Variants in CMBL observed in about 807,000 individuals in gnomAD.
The protein encoded by CMBL is carboxymethylenebutenolidase homolog.
CMBL carries 17 observed loss-of-function variants against 28.7 expected under a neutral mutation model. That is an observed-to-expected ratio of 0.59 (90% confidence interval 0.41 to 0.89). CMBL has a LOEUF of 0.89. Ranked by LOEUF, CMBL falls within the 40% of genes least tolerant of loss-of-function variation. The probability of loss-of-function intolerance (pLI) is 0.00; values close to 1 mark genes in which losing one functional copy is unlikely to be tolerated. For synonymous variants in CMBL, 106 were observed against 101.6 expected (o/e 1.04, Z -0.26); for missense variants, 310 against 298.5 (o/e 1.04, Z -0.28).
rs1746419385 is a variant in CMBL, at chr5:10,277,695, G to A, written c.*2758C>T. ...TTTTTCCCTTTACCTTCATTTATCT[G>A]TTTGTCTAATAGTCACTGAAGAACA... On this transcript the variant is annotated 3_prime_UTR_variant, in exon 6 of 6. Coordinates refer to ENST00000296658, the MANE Select transcript of CMBL (RefSeq NM_138809.4). Among the ~76,000 whole-genome samples, 1 of 151,940 alleles carries A rather than the reference G, an allele frequency of 6.6e-6. No individual in the cohort carries two copies. Among genetic ancestry groups the A allele is most frequent in the African/African-American group, 2.4e-5 (1 of 41,354 alleles).
chr5:10,291,131 G>A (rs1030228529), intron 1 of CMBL, among the ~76,000 whole-genome samples: 4 of 152,152 alleles, frequency 2.6e-5, no homozygotes, highest in African/African-American at 4.8e-5. Flanking sequence ...GACAGGACCC[G>A]ACTCAGGAGC....
At chr5:10,286,961 T>C (rs1403322370) in intron 3 of CMBL, among the ~76,000 whole-genome samples, 1 of 152,202 alleles carries the variant, frequency 6.6e-6, no homozygotes, top group African/African-American at 2.4e-5. Flanking sequence ...CCAGACACTC[T>C]CTGACTTCAC....
In CMBL at chr5:10,286,457, A is replaced by G. The variant is rs1746606142; in HGVS notation, c.363T>C (p.Cys121=). The G allele has an allele frequency of 6.2e-7, 1 of 1,614,040 alleles. No homozygotes were observed. The highest frequency in any genetic ancestry group is 1.3e-5 in the African/African-American group (1 of 74,938). The stretch of plus-strand genomic sequence containing the variant: ...CCACGATGCCAATTTTCTGGGCATG[A>G]CACTGTTGTTTCAGATACTTCAAGA... The part of the protein sequence containing the change: ...SAILKYLKQQ[C]HAQKIGIVGF... The change falls in exon 4 of 6, where the codon TGT becomes TGC. Residue 121 remains cysteine (C), a synonymous_variant. Coordinates refer to ENST00000296658, the MANE Select transcript of CMBL (RefSeq NM_138809.4).
At chr5:10,303,601 A>G (rs1407340360) in intron 1 of CMBL, among the ~76,000 whole-genome samples, 1 of 152,198 alleles carries the variant, frequency 6.6e-6, no homozygotes, top group Non-Finnish European at 1.5e-5. Context: ...TGGAAAGTGT[A>G]AACTAAAAAC....
At chr5:10,299,764 T>C (rs953509040) in intron 1 of CMBL, among the ~76,000 whole-genome samples, 1 of 151,510 alleles carries the variant, frequency 6.6e-6, no homozygotes. Context: ...GGTGGAAGGA[T>C]TGCTTGAGCC....
At chr5:10,290,863 T>A in intron 1 of CMBL, 82 bp from the exon 2 acceptor site, 1 of 1,078,784 alleles carries the variant, frequency 9.3e-7, no homozygotes, top group African/African-American at 1.6e-5. Context: ...CAAATCAAGA[T>A]TATAGAAAAA....
At chr5:10,299,213 T>C (rs1453222973) in intron 1 of CMBL, among the ~76,000 whole-genome samples, 3 of 152,100 alleles carry the variant, frequency 2.0e-5, no homozygotes, top group Non-Finnish European at 2.9e-5. Flanking sequence ...ATATAAAGAA[T>C]TCTTATAAGT....
At chr5:10,297,557 G>A (rs1169170055) in intron 1 of CMBL, among the ~76,000 whole-genome samples, 19 of 125,448 alleles carry the variant, frequency 1.5e-4, no homozygotes, top group African/African-American at 2.1e-4. Context: ...CAAGAAGATC[G>A]AAACTCTATC....
chr5:10,291,890 C>A (rs949652126), intron 1 of CMBL, among the ~76,000 whole-genome samples: 1 of 152,090 alleles, frequency 6.6e-6, no homozygotes, highest in Admixed American at 6.6e-5. Context: ...AAAACCTATA[C>A]ACAAGGAGGC....
At chr5:10,307,574 A>C (rs1747020293) in intron 1 of CMBL, 51 bp downstream of exon 1, 1 of 152,246 alleles carries the variant, frequency 6.6e-6, no homozygotes, top group Admixed American at 6.5e-5. Flanking sequence ...AGTTCAGAGG[A>C]GCGGGGCCCG....
Position 10,290,755 on chromosome 5 carries a change from T to G in CMBL, c.8A>C (p.Asn3Thr), listed in dbSNP as rs1746698737. The change falls in exon 2 of 6, where the codon AAC becomes ACC. Residue 3 changes from asparagine to threonine, a missense_variant. Asn to Thr is a moderately conservative substitution (Grantham distance 65). Coordinates refer to ENST00000296658, the MANE Select transcript of CMBL (RefSeq NM_138809.4). ...GTCACACGGACAAGGATAAGCTTCGTTAGCCATTGCAGAGATTTAAGTCGG... is the reference window on the plus strand; with the variant it reads ...GTCACACGGACAAGGATAAGCTTCGGTAGCCATTGCAGAGATTTAAGTCGG... MA[N>T]EAYPCPCDIG... is the part of the protein sequence containing the mutation. 1.2e-6 allele frequency: 2 copies of G among 1,614,140 alleles called. No individual in the cohort carries two copies. Among genetic ancestry groups the G allele is most frequent in the East Asian group, 4.5e-5 (2 of 44,882 alleles).
intron 1 of CMBL, among the ~76,000 whole-genome samples, chr5:10,305,020 G>A (rs1220717454): frequency 6.6e-6 from 1 of 152,172 alleles, no homozygotes; most frequent in African/African-American, 2.4e-5. Flanking sequence ...CTCCTGTGCT[G>A]GGGCAGGACT....
intron 1 of CMBL, among the ~76,000 whole-genome samples, chr5:10,301,817 G>GTCTGGGCTGACTTCTTA (rs11267427): frequency 8.6e-5 from 13 of 151,462 alleles, no homozygotes; most frequent in African/African-American, 2.9e-4. Flanking sequence ...CGCCAGGCTG[G>GTCTGGGCTGACTTCTTA]TCTGGGCTGA....
chr5:10,297,538 C>G lies in CMBL; in HGVS notation c.-19-6757G>C, dbSNP rs922084433. Among the ~76,000 whole-genome samples the G allele has an allele frequency of 2.7e-5, 4 of 145,772 alleles. No individual in the cohort carries two copies. In the Admixed American group the frequency reaches 2.8e-4, roughly 10 times the overall value. On this transcript the variant is annotated intron_variant, in intron 1 of 5. Transcript: ENST00000296658. The stretch of plus-strand genomic sequence containing the variant: ...GAGCTGAGATCGCACCATTTCACTC[C>G]AGCCCGGACAAGAAGATCGAAACTC...
At chr5:10,282,323 C>A (rs772761983) in intron 4 of CMBL, 35 bp from the exon 5 acceptor site, 1 of 1,236,696 alleles carries the variant, frequency 8.1e-7, no homozygotes, top group Non-Finnish European at 1.2e-6. Context: ...ATGTCTGATC[C>A]CCACACTCAT....
chr5:10,290,659 G>A lies in CMBL; in HGVS notation c.104C>T (p.Thr35Ile), dbSNP rs143191732. The change falls in exon 2 of 6, where the codon ACC becomes ATC. Residue 35 changes from threonine (T) to isoleucine (I), a missense_variant. Physicochemically the swap from Thr to Ile is moderately conservative, Grantham distance 89 (BLOSUM62 -1). Coordinates refer to ENST00000296658, the MANE Select transcript of CMBL (RefSeq NM_138809.4). ...VQVEHIKAYV[T>I]KSPVDAGKAV... Reference sequence around the variant, plus strand: ...TTTGCCTGCATCAACGGGGGATTTGGTGACATAAGCCTTGATGTGCTCGAC... The same window carrying A: ...TTTGCCTGCATCAACGGGGGATTTGATGACATAAGCCTTGATGTGCTCGAC... 8.1e-6 allele frequency: 13 copies of A among 1,614,058 alleles called. No homozygotes were observed. The highest frequency in any genetic ancestry group is 1.1e-5 in the Non-Finnish European group (13 of 1,180,046).
rs1561063028 is a variant in CMBL at position 10,289,059 on chromosome 5, G to GC, written c.216-531dup. Among the ~76,000 whole-genome samples the GC allele has an allele frequency of 6.6e-6, 1 of 152,106 alleles. No individual in the cohort carries two copies. The highest frequency in any genetic ancestry group is 1.5e-5 in the Non-Finnish European group (1 of 68,008). ...AAGACGGGCAGCAGAGCACAAACAA[G>GC]CCTGGCCCCAGTCCAGGTCGCTCTT... On this transcript the variant is annotated intron_variant, in intron 2 of 5. Coordinates refer to ENST00000296658, the MANE Select transcript of CMBL (RefSeq NM_138809.4). This position sits in a 1 kb window ranked among gnomAD's most constrained non-coding sequence, Gnocchi z 4.3.
At position 10,280,471 on chromosome 5, in the gene CMBL, C is replaced by T; in HGVS notation, c.720G>A (p.Trp240Ter). Residue 240 changes from tryptophan to a stop codon, truncating the protein, a stop_gained, in exon 6 of 6, where the codon TGG becomes TGA. Transcript: ENST00000296658. LOFTEE classifies it high-confidence loss of function. ...IDEARRNLIE[W>*]LNKYM ...ATTCTTGCTACATGTACTTGTTCAG[C>T]CACTCAATTAAATTCCTTCTGGCCT... The T allele has an allele frequency of 6.2e-7, 1 of 1,602,514 alleles. No individual in the cohort carries two copies. Among genetic ancestry groups the T allele is most frequent in the Non-Finnish European group, 8.5e-7 (1 of 1,171,306 alleles).
At chr5:10,291,517 C>T (rs1034765308) in intron 1 of CMBL, among the ~76,000 whole-genome samples, 1 of 151,780 alleles carries the variant, frequency 6.6e-6, no homozygotes, top group Non-Finnish European at 1.5e-5. Flanking sequence ...AAAAATTAGC[C>T]GGGCGTGGTG....
Sources: allele counts gnomAD v4.1 joint callset (sites outside exome capture counted in the v4.1 genomes callset), GRCh38; gene constraint gnomAD v4.1.1; non-coding constraint Gnocchi (gnomAD v3.1); transcripts MANE v1.5; gene names NCBI Gene and HGNC (gene_info 2026-07-23, HGNC 2026-07-21).